Variants in ERICH6 observed in about 807,000 individuals in gnomAD.
ERICH6 encodes glutamate-rich protein 6.
ERICH6 carries 71 observed loss-of-function variants against 71.0 expected under a neutral mutation model. That is an observed-to-expected ratio of 1.00 (90% CI 0.83 to 1.22). ERICH6 has a LOEUF of 1.22. ERICH6 is among the 50% of genes most tolerant of loss of function. The probability of loss-of-function intolerance (pLI) is 0.00; values close to 1 mark genes in which losing one functional copy is unlikely to be tolerated. For missense variants in ERICH6, 808 were observed against 797.2 expected (o/e 1.01, Z -0.16); for synonymous variants, 262 against 278.4 (o/e 0.94, Z 0.59).
At position 150,703,891 on chromosome 3, in the gene ERICH6, T is replaced by C; in HGVS notation, c.8A>G (p.His3Arg). 1 of 1,613,900 alleles carries C rather than the reference T, an allele frequency of 6.2e-7. No homozygotes were observed. The highest frequency in any genetic ancestry group is 8.5e-7 in the Non-Finnish European group (1 of 1,179,872). Residue 3 changes from histidine to arginine, a missense_variant, in exon 1 of 14, where the codon CAC (histidine) becomes CGC (arginine). Physicochemically the swap from His to Arg is conservative, Grantham distance 29 (BLOSUM62 0). Transcript: ENST00000295910. ...TCCGAAGCCGCTAGGCGAGCGCAAGTGGGCCATGGCTGGCGGGAGGCGGGA... is the reference window on the plus strand; with the variant it reads ...TCCGAAGCCGCTAGGCGAGCGCAAGCGGGCCATGGCTGGCGGGAGGCGGGA... MA[H>R]LRSPSGFGDP...
intron 3 of ERICH6, among the ~76,000 whole-genome samples, chr3:150,687,863 A>C (rs1470565436): frequency 6.7e-6 from 1 of 149,626 alleles, no homozygotes; most frequent in Non-Finnish European, 1.5e-5. Flanking sequence ...CATGCCTGTA[A>C]TCCCAGAACT....
chr3:150,661,496 A>T (rs1727222796), intron 13 of ERICH6, among the ~76,000 whole-genome samples: 1 of 152,244 alleles, frequency 6.6e-6, no homozygotes, highest in Non-Finnish European at 1.5e-5. Flanking sequence ...AAAGAGAGGC[A>T]CCAGATTTAC....
chr3:150,660,120 G>A lies in ERICH6; in HGVS notation c.1764C>T (p.Tyr588=), dbSNP rs146862720. Residue 588 remains tyrosine (Y), a synonymous_variant, in exon 14 of 14, where the codon TAC becomes TAT. Transcript: ENST00000295910. ...PNPEEIPILR[Y]VSGDDLLLLA... ...GCAGAAGAAGGTCATCTCCACTTAC[G>A]TATCGGAGGATTGGAATCTCCTCAG... 46 of 1,613,842 alleles carry A rather than the reference G, an allele frequency of 2.9e-5. No homozygotes were observed. Among genetic ancestry groups the A allele is most frequent in the African/African-American group, 4.0e-5 (3 of 74,878 alleles).
At chr3:150,700,255 T>G (rs1259961659) in intron 2 of ERICH6, among the ~76,000 whole-genome samples, 2 of 148,092 alleles carry the variant, frequency 1.4e-5, no homozygotes, top group African/African-American at 5.0e-5. Context: ...TTTTTTTTTT[T>G]TTTTTTTTTT....
chr3:150,683,953 G>T (rs1296985734), intron 6 of ERICH6, among the ~76,000 whole-genome samples: 1 of 152,234 alleles, frequency 6.6e-6, no homozygotes, highest in Non-Finnish European at 1.5e-5. Context: ...CCAGTTCAGG[G>T]ACGTCTTGGG....
chr3:150,672,328 T>G (rs1325760794), intron 11 of ERICH6, among the ~76,000 whole-genome samples: 1 of 142,642 alleles, frequency 7.0e-6, no homozygotes, highest in Non-Finnish European at 1.5e-5. Flanking sequence ...CCGGGTGTGG[T>G]GGCTCATGCC....
chr3:150,690,602 G>T (rs1038602927), intron 3 of ERICH6, among the ~76,000 whole-genome samples: 2 of 152,132 alleles, frequency 1.3e-5, no homozygotes, highest in Non-Finnish European at 2.9e-5. Context: ...CCAGTCAAGT[G>T]CTTTTTCAAG....
rs755390331 is a variant in ERICH6 at position 150,698,795 on chromosome 3, T to C, written c.549A>G (p.Gln183=). ...CTAAGAAATCAAACTACTCACTCGA[T>C]TGCACTTTATCAGACAAATCTTGGA... ...SWLQDLSDKV[Q]SRKKASKEKA... is the part of the protein sequence containing the mutation. The change falls in exon 3 of 14, where the codon CAA becomes CAG. Residue 183 remains glutamine (Q), a synonymous_variant. Transcript: ENST00000295910. 13 of 1,612,932 alleles carry C rather than the reference T, an allele frequency of 8.1e-6. No individual in the cohort carries two copies. The highest frequency in any genetic ancestry group is 2.2e-5 in the East Asian group (1 of 44,830).
At chr3:150,661,296 G>A (rs767765822) in intron 13 of ERICH6, among the ~76,000 whole-genome samples, 41 of 152,190 alleles carry the variant, frequency 2.7e-4, no homozygotes, top group African/African-American at 8.7e-4. Flanking sequence ...CAATTGGGAG[G>A]CAGGCCCCTC....
chr3:150,683,441 G>A lies in ERICH6; in HGVS notation c.784-1125C>T, dbSNP rs79385956. Among the ~76,000 whole-genome samples the A allele has an allele frequency of 1.8e-3, 271 of 152,240 alleles. 7 individuals carry two copies. The East Asian group carries it at 0.043, about 24-fold the overall frequency. On this transcript the variant is annotated intron_variant, in intron 6 of 13. Transcript: ENST00000295910. ...CCCGTTGTCCTTTCACCCTCAGCTAGGGGTGAAGCAAGATGGAGATACTTC... is the reference window on the plus strand; with the variant it reads ...CCCGTTGTCCTTTCACCCTCAGCTAAGGGTGAAGCAAGATGGAGATACTTC...
intron 13 of ERICH6, among the ~76,000 whole-genome samples, chr3:150,664,906 A>G (rs923445471): frequency 6.6e-6 from 1 of 152,034 alleles, no homozygotes; most frequent in African/African-American, 2.4e-5. Context: ...AGAAAAGTAA[A>G]AAACTTTAAT....
intron 6 of ERICH6, among the ~76,000 whole-genome samples, chr3:150,684,572 C>T (rs773009897): frequency 3.7e-4 from 57 of 152,278 alleles, no homozygotes; most frequent in Non-Finnish European, 5.6e-4. Flanking sequence ...AAGCAGTTCT[C>T]TCCACATGGC....
At chr3:150,674,652 G>A (rs1711581783) in intron 10 of ERICH6, among the ~76,000 whole-genome samples, 1 of 152,100 alleles carries the variant, frequency 6.6e-6, no homozygotes, top group Non-Finnish European at 1.5e-5. Context: ...CAATCTTGCT[G>A]GAATCTGAGA....
chr3:150,695,329 G>T (rs1040265467), intron 3 of ERICH6, among the ~76,000 whole-genome samples: 2 of 152,064 alleles, frequency 1.3e-5, no homozygotes, highest in Admixed American at 1.3e-4. Flanking sequence ...CCTACTGATT[G>T]ACAATAACCA....
At chr3:150,664,224 T>C (rs969210892) in intron 13 of ERICH6, among the ~76,000 whole-genome samples, 1 of 152,186 alleles carries the variant, frequency 6.6e-6, no homozygotes, top group Non-Finnish European at 1.5e-5. Flanking sequence ...ATATTTATAT[T>C]GAATTCAATA....
At chr3:150,683,038 C>T (rs74686930) in intron 6 of ERICH6, among the ~76,000 whole-genome samples, 8,123 of 152,208 alleles carry the variant, frequency 0.053, 334 homozygotes, top group African/African-American at 0.11. Context: ...CAGGACAGGC[C>T]TCCAGGAAGA....
At chr3:150,672,264 C>CATACATAT (rs770361826) in intron 11 of ERICH6, among the ~76,000 whole-genome samples, 1 of 123,620 alleles carries the variant, frequency 8.1e-6, no homozygotes, top group Non-Finnish European at 1.7e-5. Context: ...TTTATATATA[C>CATACATAT]ATATATATAT....
At chr3:150,666,298 A>G (rs1462816930) in intron 13 of ERICH6, among the ~76,000 whole-genome samples, 2 of 152,178 alleles carry the variant, frequency 1.3e-5, no homozygotes, top group Admixed American at 1.3e-4. Context: ...ACTGTTCAAC[A>G]AGCACGGGGA....
chr3:150,702,329 T>G lies in ERICH6; in HGVS notation c.404-151A>C, dbSNP rs866287553. The G allele has an allele frequency of 3.0e-5, 14 of 472,088 alleles. No homozygotes were observed. The South Asian group carries it at 3.8e-4, about 13-fold the overall frequency. 29.2% of individuals were successfully genotyped at this position (472,088 alleles called of 1,614,324 possible). On this transcript the variant is annotated intron_variant, in intron 1 of 13. Coordinates refer to ENST00000295910, the MANE Select transcript of ERICH6 (RefSeq NM_152394.5). ...TCTCGCTCTGTCGCCTAGGCTGGAG[T>G]GCAATGGCGCGATCTTGGCTCACTG...
Sources: allele counts gnomAD v4.1 joint callset (sites outside exome capture counted in the v4.1 genomes callset), GRCh38; gene constraint gnomAD v4.1.1; transcripts MANE v1.5; gene names NCBI Gene and HGNC (gene_info 2026-07-23, HGNC 2026-07-21).